Variants in FBXO42 observed in about 807,000 individuals in gnomAD.
The protein encoded by FBXO42 is F-box protein 42.
FBXO42 carries 12 observed loss-of-function variants against 71.7 expected under a neutral mutation model. That is an observed-to-expected ratio of 0.17 (90% CI 0.11 to 0.27). The LOEUF (loss-of-function observed/expected upper bound fraction) is 0.27. Among genes scored for constraint, FBXO42 ranks in the 10% least tolerant of loss-of-function variants. The pLI is 1.00. For missense variants in FBXO42, 707 were observed against 911.9 expected (o/e 0.78, Z 2.89); for synonymous variants, 325 against 327.5 (o/e 0.99, Z 0.08).
At chr1:16,280,903 T>C (rs1490745927) in intron 4 of FBXO42, among the ~76,000 whole-genome samples, 2 of 152,214 alleles carry the variant, frequency 1.3e-5, no homozygotes, top group Non-Finnish European at 2.9e-5. Flanking sequence ...TATGTGATTT[T>C]AGGTAAATTA....
chr1:16,331,106 G>GA (rs1013883210), intron 1 of FBXO42, among the ~76,000 whole-genome samples: 1 of 151,688 alleles, frequency 6.6e-6, no homozygotes, highest in Non-Finnish European at 1.5e-5. Flanking sequence ...GTGACGGAGT[G>GA]AAACTCCATC....
intron 4 of FBXO42, among the ~76,000 whole-genome samples, chr1:16,263,578 C>G (rs1246880450): frequency 6.6e-6 from 1 of 151,482 alleles, no homozygotes; most frequent in Admixed American, 6.6e-5. Flanking sequence ...AAAAAATTAG[C>G]CCGGCATGGT....
intron 4 of FBXO42, among the ~76,000 whole-genome samples, chr1:16,275,536 T>C (rs552709143): frequency 6.0e-4 from 91 of 152,186 alleles, no homozygotes; most frequent in African/African-American, 2.2e-3. Flanking sequence ...GGAGGATCGC[T>C]TGAGCCCAGG....
At chr1:16,311,359 A>G (rs1370847883) in intron 2 of FBXO42, among the ~76,000 whole-genome samples, 2 of 150,112 alleles carry the variant, frequency 1.3e-5, no homozygotes, top group Non-Finnish European at 3.0e-5. Flanking sequence ...GTGGTGGTAC[A>G]CACTTGTAGT....
At chr1:16,336,197 C>G (rs919380539) in intron 1 of FBXO42, among the ~76,000 whole-genome samples, 1 of 151,628 alleles carries the variant, frequency 6.6e-6, no homozygotes, top group Non-Finnish European at 1.5e-5. Context: ...CTCAGCCTCC[C>G]GAAGTGTTGG....
In FBXO42 at chr1:16,303,115, A is replaced by G. The variant is rs1465165660; in HGVS notation, c.367+2688T>C. Among the ~76,000 whole-genome samples the G allele has an allele frequency of 3.2e-4, 49 of 152,254 alleles. 2 individuals are homozygous for G. Among genetic ancestry groups the G allele is most frequent in the Non-Finnish European group, 1.0e-4 (7 of 68,048 alleles). On this transcript the variant is annotated intron_variant, in intron 3 of 9. Coordinates refer to ENST00000375592, the MANE Select transcript of FBXO42 (RefSeq NM_018994.3). ...AAGGGCAAATAAGGAAGTTTAAGAC[A>G]TAACAAGGAGGTTCATGTGGCTGAA... is the stretch of plus-strand genomic sequence containing the variant.
chr1:16,247,411 G>T lies in FBXO42; in HGVS notation c.*3259C>A. On this transcript the variant is annotated 3_prime_UTR_variant, in exon 10 of 10. Transcript: ENST00000375592. ...AGGAATACCACTTTTAAGGGGGAAG[G>T]AAAGAGTGAAGCAGAAGGAAACCCA... is the stretch of plus-strand genomic sequence containing the variant. 6.6e-6 allele frequency: 1 copy of T among 152,428 alleles called. No homozygotes were observed. The highest frequency in any genetic ancestry group is 2.1e-4 in the South Asian group (1 of 4,832). The allele number at this position is 152,428 out of a possible 1,614,324, so 9.4% of individuals were successfully genotyped here.
At chr1:16,339,286 G>A (rs2082581085) in intron 1 of FBXO42, among the ~76,000 whole-genome samples, 1 of 151,990 alleles carries the variant, frequency 6.6e-6, no homozygotes, top group Admixed American at 6.6e-5. Context: ...TCGACACAAT[G>A]TCACACTATT....
chr1:16,250,772 G>A lies in FBXO42; in HGVS notation c.2052C>T (p.Gly684=), dbSNP rs746865822. Residue 684 remains glycine, a synonymous_variant, in exon 10 of 10, where the codon GGC becomes GGT. Coordinates refer to ENST00000375592, the MANE Select transcript of FBXO42 (RefSeq NM_018994.3). This position sits in a 1 kb window ranked among gnomAD's most constrained non-coding sequence, Gnocchi z 4.7. ...PETSLHTVVQ[G]RGELIIFGGL... is the part of the protein sequence containing the mutation. ...CTCCAAATATGATGAGTTCACCCCT[G>A]CCTTGTACCACGGTATGCAGGCTGG... The A allele has an allele frequency of 3.7e-6, 6 of 1,614,166 alleles. No individual in the cohort carries two copies. Among genetic ancestry groups the A allele is most frequent in the Middle Eastern group, 1.6e-4 (1 of 6,062 alleles).
chr1:16,310,193 C>CAAA (rs558283325), intron 2 of FBXO42, among the ~76,000 whole-genome samples: 23 of 91,088 alleles, frequency 2.5e-4, no homozygotes, highest in Non-Finnish European at 4.0e-4. Context: ...GACTCCATCT[C>CAAA]AAAAAAAAAA....
chr1:16,251,487 G>A lies in FBXO42; in HGVS notation c.1337C>T (p.Pro446Leu). The A allele has an allele frequency of 6.2e-7, 1 of 1,614,164 alleles. No individual in the cohort carries two copies. Among genetic ancestry groups the A allele is most frequent in the Non-Finnish European group, 8.5e-7 (1 of 1,180,010 alleles). Residue 446 changes from proline (P) to leucine (L), a missense_variant, in exon 10 of 10, where the codon CCA becomes CTA. Physicochemically the swap from Pro to Leu is moderately conservative, Grantham distance 98. This residue lies in a region of FBXO42 where 482 missense variants were observed against 587.1 expected (regional missense o/e 0.82). Transcript: ENST00000375592. This position sits in a 1 kb window ranked among gnomAD's most constrained non-coding sequence, Gnocchi z 4.5. ...SPILNGGSLS[P>L]GTAAVGGSSL... ...AGAGCCACCCACAGCTGCCGTTCCT[G>A]GAGACAAACTCCCACCATTGAGGAT...
chr1:16,306,883 A>G (rs972411416), intron 2 of FBXO42, among the ~76,000 whole-genome samples: 3 of 151,932 alleles, frequency 2.0e-5, no homozygotes, highest in Non-Finnish European at 2.9e-5. Flanking sequence ...TATGAAATAC[A>G]TAACTCAGGA....
At position 16,317,052 on chromosome 1, in the gene FBXO42, G is replaced by A. The variant is rs545085948; in HGVS notation, c.-17-1617C>T. On this transcript the variant is annotated intron_variant, in intron 1 of 9. Transcript: ENST00000375592. ...TCCCAACACTTTGGGAGGCTGAGGCGGGCGGATCACCTGAGGTCAGGAGTT... is the reference window on the plus strand; with the variant it reads ...TCCCAACACTTTGGGAGGCTGAGGCAGGCGGATCACCTGAGGTCAGGAGTT... 3.7e-3 allele frequency among the ~76,000 whole-genome samples: 560 copies of A among 151,944 alleles called. 1 individual carries two copies. The highest frequency in any genetic ancestry group is 5.8e-3 in the Non-Finnish European group (397 of 67,956).
At chr1:16,327,696 T>C (rs1366528105) in intron 1 of FBXO42, among the ~76,000 whole-genome samples, 2 of 152,158 alleles carry the variant, frequency 1.3e-5, no homozygotes, top group African/African-American at 4.8e-5. Context: ...TATTTTAAGA[T>C]GGGAAAGTTT....
chr1:16,299,612 G>C (rs959357786), intron 3 of FBXO42, among the ~76,000 whole-genome samples: 1 of 152,202 alleles, frequency 6.6e-6, no homozygotes, highest in Non-Finnish European at 1.5e-5. Flanking sequence ...ATAATGGAAT[G>C]AGAAAATAAC....
At chr1:16,312,540 A>G (rs2082323055) in intron 2 of FBXO42, among the ~76,000 whole-genome samples, 2 of 152,202 alleles carry the variant, frequency 1.3e-5, no homozygotes, top group South Asian at 2.1e-4. Context: ...CAGGGAGAGT[A>G]TACAGGATTT....
chr1:16,297,236 G>A (rs115139000), intron 3 of FBXO42, among the ~76,000 whole-genome samples: 1,812 of 151,956 alleles, frequency 0.012, 29 homozygotes, highest in African/African-American at 0.042. Context: ...GAGCCAATGC[G>A]CCCAGCCCCC....
chr1:16,292,001 T>A (rs1484770213), intron 4 of FBXO42, among the ~76,000 whole-genome samples: 1 of 152,176 alleles, frequency 6.6e-6, no homozygotes, highest in Non-Finnish European at 1.5e-5. Flanking sequence ...TTGTTTTTTA[T>A]AAGTAGACAT....
Position 16,251,435 on chromosome 1 carries a change from T to C in FBXO42, c.1389A>G (p.Ile463Met). The C allele has an allele frequency of 6.2e-7, 1 of 1,614,106 alleles. No individual in the cohort carries two copies. Among genetic ancestry groups the C allele is most frequent in the Non-Finnish European group, 8.5e-7 (1 of 1,179,980 alleles). Residue 463 changes from isoleucine to methionine, a missense_variant, in exon 10 of 10, where the codon ATA becomes ATG. This residue lies in a region of FBXO42 where 482 missense variants were observed against 587.1 expected (regional missense o/e 0.82). Transcript: ENST00000375592. This position sits in a 1 kb window ranked among gnomAD's most constrained non-coding sequence, Gnocchi z 4.5. ...GSSLDSPVQA[I>M]SPSTPSAPEG... ...CAGGAGCAGATGGAGTACTTGGAGA[T>C]ATGGCCTGTACAGGACTGTCCAAAG...
Sources: gnomAD v4.1 joint callset for allele counts (sites outside exome capture counted in the v4.1 genomes callset) on GRCh38, gnomAD v4.1.1 for gene constraint, gnomAD v4.1.1 regional missense constraint, Gnocchi (gnomAD v3.1) non-coding constraint, MANE v1.5 for transcripts, NCBI Gene and HGNC (gene_info 2026-07-23, HGNC 2026-07-21) for gene names.